The following RLF variants were observed in gnomAD, a reference collection of about 807,000 sequenced individuals.
RLF encodes the protein RLF zinc finger.
A neutral mutation model predicts 162.9 loss-of-function variants in RLF; 7 were observed. The ratio of observed to expected loss-of-function variants is 0.04; its 90% CI spans 0.02 to 0.08. The LOEUF is 0.08. RLF is among the 10% of genes least tolerant of loss of function. The pLI is 1.00. For synonymous variants in RLF, 782 were observed against 791.5 expected, an observed-to-expected ratio of 0.99 and a Z score of 0.20; for missense variants, 1,664 against 2,244.7, an observed-to-expected ratio of 0.74 and a Z score of 5.23.
chr1:40,199,845 A>C (rs537111386), intron 4 of RLF, among the ~76,000 whole-genome samples: 5 of 152,322 alleles, frequency 3.3e-5, no homozygotes, highest in African/African-American at 1.2e-4. Context: ...ATTGGAGATA[A>C]TTAGAAAAGA....
chr1:40,212,637 G>A (rs1275803263), intron 5 of RLF, among the ~76,000 whole-genome samples: 2 of 152,244 alleles, frequency 1.3e-5, no homozygotes, highest in East Asian at 1.9e-4. Context: ...GTTAAGGCAG[G>A]GGTCCGTTTC....
intron 4 of RLF, among the ~76,000 whole-genome samples, chr1:40,199,594 A>G (rs770073460): frequency 3.9e-5 from 6 of 152,224 alleles, no homozygotes; most frequent in East Asian, 3.8e-4. Flanking sequence ...TTTGTACACT[A>G]TAATCCCTTA....
chr1:40,195,525 A>T, intron 3 of RLF, 107 bp from the exon 4 acceptor site: 1 of 865,304 alleles, frequency 1.2e-6, no homozygotes, highest in Non-Finnish European at 1.7e-6. Context: ...ATTTTCAGGA[A>T]ATCCAAATAG....
intron 4 of RLF, among the ~76,000 whole-genome samples, chr1:40,201,027 A>C (rs1476558081): frequency 2.6e-5 from 2 of 76,338 alleles, no homozygotes; most frequent in African/African-American, 5.3e-5. Flanking sequence ...TACTCTACAC[A>C]CACAAACACA....
Position 40,237,582 on chromosome 1 carries a change from C to T in RLF, c.2880C>T (p.Gly960=). 6.2e-7 allele frequency: 1 copy of T among 1,614,070 alleles called. No homozygotes were observed. Among genetic ancestry groups the T allele is most frequent in the South Asian group, 1.1e-5 (1 of 91,078 alleles). ...CTAAGTTTACCTGTGGTTTTGATGG[C>T]TGTGGTTCCACATACAAAAATGCAA... ...DGTKFTCGFD[G]CGSTYKNARG... is the part of the protein sequence containing the mutation. Residue 960 remains glycine (G), a synonymous_variant, in exon 8 of 8, where the codon GGC becomes GGT. Transcript: ENST00000372771. The surrounding 1 kb of genome is among the most constrained non-coding windows in gnomAD (Gnocchi z 4.4).
chr1:40,238,508 C>G lies in RLF; in HGVS notation c.3806C>G (p.Ser1269Cys), dbSNP rs1333055238. The change falls in exon 8 of 8, where the codon TCT (serine) becomes TGT (cysteine). Residue 1269 changes from serine (S) to cysteine (C), a missense_variant. Coordinates refer to ENST00000372771, the MANE Select transcript of RLF (RefSeq NM_012421.4). This position sits in a 1 kb window ranked among gnomAD's most constrained non-coding sequence, Gnocchi z 5.2. ...SSCEETESKT[S>C]DISSPIGSHR... Reference sequence around the variant, plus strand: ...TGTGAAGAAACAGAAAGTAAAACATCTGACATTTCATCACCAATAGGCAGC... The same window carrying G: ...TGTGAAGAAACAGAAAGTAAAACATGTGACATTTCATCACCAATAGGCAGC... 6.2e-7 allele frequency: 1 copy of G among 1,613,790 alleles called. No homozygotes were observed. Among genetic ancestry groups the G allele is most frequent in the Non-Finnish European group, 8.5e-7 (1 of 1,179,996 alleles).
chr1:40,168,516 T>TAC (rs1313332481), intron 1 of RLF, among the ~76,000 whole-genome samples: 1 of 152,148 alleles, frequency 6.6e-6, no homozygotes, highest in Non-Finnish European at 1.5e-5. Context: ...GTGCTGGGAT[T>TAC]ACAGGCGTGA....
chr1:40,190,514 G>C (rs1642541025), intron 2 of RLF, among the ~76,000 whole-genome samples: 1 of 152,136 alleles, frequency 6.6e-6, no homozygotes, highest in African/African-American at 2.4e-5. Context: ...AAACTGCTTG[G>C]AATGTGATTT....
At chr1:40,169,478 C>A (rs1439667534) in intron 1 of RLF, among the ~76,000 whole-genome samples, 1 of 150,424 alleles carries the variant, frequency 6.6e-6, no homozygotes, top group Non-Finnish European at 1.5e-5. Flanking sequence ...TAGCCGGGCG[C>A]GGTGGCGGGC....
At chr1:40,169,978 C>T in intron 1 of RLF, among the ~76,000 whole-genome samples, 1 of 151,976 alleles carries the variant, frequency 6.6e-6, no homozygotes, top group East Asian at 1.9e-4. Flanking sequence ...GCGTGAGCCA[C>T]CACACGTGGC....
intron 1 of RLF, among the ~76,000 whole-genome samples, chr1:40,167,661 T>TA (rs1438696358): frequency 6.6e-6 from 1 of 151,850 alleles, no homozygotes; most frequent in East Asian, 1.9e-4. Context: ...CTGTCTTATC[T>TA]AAAATAGCAC....
Position 40,236,211 on chromosome 1 carries a change from C to T in RLF, c.1509C>T (p.Asp503=). ...DLSGYEMSIN[D]TDVLESFLSD... ...GTGGCTATGAAATGTCCATTAATGA[C>T]ACAGATGTTTTAGAGTCATTTCTCA... The change falls in exon 8 of 8, where the codon GAC becomes GAT. Residue 503 remains aspartate (D), a synonymous_variant. Coordinates refer to ENST00000372771, the MANE Select transcript of RLF (RefSeq NM_012421.4). The surrounding 1 kb of genome is among the most constrained non-coding windows in gnomAD (Gnocchi z 7.7). 2.5e-6 allele frequency: 4 copies of T among 1,613,800 alleles called. No individual in the cohort carries two copies. Among genetic ancestry groups the T allele is most frequent in the Non-Finnish European group, 2.5e-6 (3 of 1,179,902 alleles).
At chr1:40,197,547 C>T (rs1642654310) in intron 4 of RLF, among the ~76,000 whole-genome samples, 1 of 152,196 alleles carries the variant, frequency 6.6e-6, no homozygotes, top group Non-Finnish European at 1.5e-5. Context: ...ATATACTAAT[C>T]AACTATGTCA....
intron 1 of RLF, chr1:40,177,849 G>T (rs1019338988): frequency 6.6e-6 from 1 of 152,100 alleles, no homozygotes; most frequent in African/African-American, 2.4e-5. Context: ...ACTCGTGCTT[G>T]CTTCAGCAGC....
intron 1 of RLF, among the ~76,000 whole-genome samples, chr1:40,183,005 C>T (rs1224216931): frequency 6.6e-6 from 1 of 152,174 alleles, no homozygotes; most frequent in Non-Finnish European, 1.5e-5. Flanking sequence ...AAACCTCCAT[C>T]AAGAGGTGGT....
At position 40,239,623 on chromosome 1, in the gene RLF, T is replaced by G. The variant is rs767102944; in HGVS notation, c.4921T>G (p.Cys1641Gly). The change falls in exon 8 of 8, where the codon TGC becomes GGC. Residue 1641 changes from cysteine to glycine, a missense_variant. Transcript: ENST00000372771. ...DSSAPIQNTDCCHSSERDGGQ... is the reference protein window; with the variant it reads ...DSSAPIQNTDGCHSSERDGGQ... ...TAGTGCACCCATCCAGAACACTGAT[T>G]GCTGTCATTCAAGTGAAAGGGATGG... 21 of 1,614,018 alleles carry G rather than the reference T, an allele frequency of 1.3e-5. No homozygotes were observed. Among genetic ancestry groups the G allele is most frequent in the Non-Finnish European group, 1.8e-5 (21 of 1,180,038 alleles).
intron 5 of RLF, among the ~76,000 whole-genome samples, chr1:40,204,784 T>C (rs1206800154): frequency 6.6e-6 from 1 of 152,152 alleles, no homozygotes; most frequent in Non-Finnish European, 1.5e-5. Context: ...TTTTTTCTTA[T>C]TCTTCAAAAC....
At chr1:40,184,893 C>T (rs1642453387) in intron 1 of RLF, among the ~76,000 whole-genome samples, 1 of 152,004 alleles carries the variant, frequency 6.6e-6, no homozygotes, top group South Asian at 2.1e-4. Context: ...TCATCTTTAT[C>T]ATTTATTGCC....
rs61334141 is a variant in RLF, at chr1:40,189,353, C to T, written c.392+144C>T. The T allele has an allele frequency of 4.5e-3, 2,849 of 631,532 alleles. 11 individuals are homozygous for T. The highest frequency in any genetic ancestry group is 0.017 in the East Asian group (573 of 34,402). The allele number at this position is 631,532 out of a possible 1,614,324, so 39.1% of individuals were successfully genotyped here. A position where few individuals can be genotyped will look rare whatever the true frequency, so the allele number is the denominator to read the frequency against. On this transcript the variant is annotated intron_variant, in intron 2 of 7. Transcript: ENST00000372771. ...TTGAATGAAATTTCCTTCCTACTCA[C>T]GTTCCCAGGAGATATAGTCCAAGTG...
Sources: gnomAD v4.1 joint callset for allele counts (sites outside exome capture counted in the v4.1 genomes callset) on GRCh38, gnomAD v4.1.1 for gene constraint, Gnocchi (gnomAD v3.1) non-coding constraint, MANE v1.5 for transcripts, NCBI Gene and HGNC (gene_info 2026-07-23, HGNC 2026-07-21) for gene names.